B3GALNT2: variants seen among roughly 807,000 people sequenced by gnomAD.
B3GALNT2 encodes UDP-GalNAc:beta-1,3-N-acetylgalactosaminyltransferase 2.
B3GALNT2 carries 53 observed loss-of-function variants against 61.1 expected under a neutral mutation model. The observed-to-expected ratio is 0.87, with a 90% CI of 0.70 to 1.09. B3GALNT2 has a LOEUF of 1.09. Among genes scored for constraint, B3GALNT2 ranks in the 50% least tolerant of loss-of-function variants. The pLI is 0.00. For synonymous variants in B3GALNT2, 223 were observed against 237.4 expected, an observed-to-expected ratio of 0.94 and a Z score of 0.56; for missense variants, 544 against 623.0, an observed-to-expected ratio of 0.87 and a Z score of 1.35.
rs566904307 is a variant in B3GALNT2 at position 235,490,729 on chromosome 1, TAA to T, written c.261-1463_261-1462del. On this transcript the variant is annotated intron_variant, in intron 2 of 11. Coordinates refer to ENST00000366600, the MANE Select transcript of B3GALNT2 (RefSeq NM_152490.5). ...TTTAAAATTAAATTATATAATCTTA[TAA>T]TATATATTAAAATCAAAGGAAATAC... is the stretch of plus-strand genomic sequence containing the variant. Among the ~76,000 whole-genome samples, 117 of 151,978 alleles carry T rather than the reference TAA, an allele frequency of 7.7e-4. 2 individuals carry two copies. In the South Asian group the frequency reaches 0.023, roughly 30 times the overall value.
intron 5 of B3GALNT2, among the ~76,000 whole-genome samples, chr1:235,474,973 ATATATATATATATATTTTTT>A (rs1684186854): frequency 1.3e-4 from 4 of 29,784 alleles, no homozygotes; most frequent in African/African-American, 4.7e-4. Context: ...ATATATATAT[ATATATATATATATATTTTTT>A]TTTTTTTTTT....
rs368190158 is a variant in B3GALNT2 at position 235,484,179 on chromosome 1, T to C, written c.555+143A>G. On this transcript the variant is annotated intron_variant, in intron 4 of 11. Transcript: ENST00000366600. Reference sequence around the variant, plus strand: ...GTCTTATATCACACTACAGTGTATTTAGTCAATAGGGGAAGAAAGGTGAAA... The same window carrying C: ...GTCTTATATCACACTACAGTGTATTCAGTCAATAGGGGAAGAAAGGTGAAA... 641 of 1,281,014 alleles carry C rather than the reference T, an allele frequency of 5.0e-4. 11 individuals carry two copies. In the South Asian group the frequency reaches 0.012, roughly 25 times the overall value. The allele number at this position is 1,281,014 out of a possible 1,614,324, so 79.4% of individuals were successfully genotyped here. A position where few individuals can be genotyped will look rare whatever the true frequency, so the allele number is the denominator to read the frequency against.
At position 235,487,311 on chromosome 1, in the gene B3GALNT2, A is replaced by G. The variant is rs563422817; in HGVS notation, c.361+1857T>C. On this transcript the variant is annotated intron_variant, in intron 3 of 11. Coordinates refer to ENST00000366600, the MANE Select transcript of B3GALNT2 (RefSeq NM_152490.5). ...TATTTTGTAATACAGACCTGAATAT[A>G]TTGTCCAATTTATTTAAAAAGCTGT... Among the ~76,000 whole-genome samples the G allele has an allele frequency of 6.6e-5, 10 of 152,312 alleles. No homozygotes were observed. In the South Asian group the frequency reaches 1.9e-3, roughly 28 times the overall value.
chr1:235,443,874 C>T (rs1007939584), downstream of B3GALNT2, among the ~76,000 whole-genome samples: 11 of 152,106 alleles, frequency 7.2e-5, no homozygotes, highest in Non-Finnish European at 1.3e-4. Flanking sequence ...TAAAGTAGAT[C>T]AACATAACTT....
intron 3 of B3GALNT2, among the ~76,000 whole-genome samples, chr1:235,488,488 C>T (rs1684907479): frequency 6.6e-6 from 1 of 150,856 alleles, no homozygotes. Flanking sequence ...TCGAGGCCAG[C>T]CTGACCAACA....
downstream of B3GALNT2, among the ~76,000 whole-genome samples, chr1:235,445,691 A>T (rs1420642565): frequency 6.6e-6 from 1 of 151,964 alleles, no homozygotes; most frequent in East Asian, 1.9e-4. Flanking sequence ...CCATTAGATT[A>T]GCAAAATTAA....
intron 5 of B3GALNT2, among the ~76,000 whole-genome samples, chr1:235,472,693 C>T (rs1033370436): frequency 2.0e-5 from 3 of 151,966 alleles, no homozygotes; most frequent in African/African-American, 7.3e-5. Context: ...AAAAATCAAC[C>T]AGAATTGACT....
At chr1:235,491,142 G>A (rs1369408835) in intron 2 of B3GALNT2, among the ~76,000 whole-genome samples, 1 of 150,622 alleles carries the variant, frequency 6.6e-6, no homozygotes, top group Non-Finnish European at 1.5e-5. Flanking sequence ...ACTATTACCT[G>A]ATACAGCATA....
At chr1:235,481,552 T>C (rs1558431225) in intron 4 of B3GALNT2, among the ~76,000 whole-genome samples, 1 of 152,188 alleles carries the variant, frequency 6.6e-6, no homozygotes, top group Non-Finnish European at 1.5e-5. Context: ...CTGTATTGCC[T>C]AGGCTGGTCT....
rs150925518 is a variant in B3GALNT2, at chr1:235,447,560, T to A, written c.*2646A>T. ...AGAATGGCGGCGCTGGAAGGGACCT[T>A]GTAGATCATTTAGTTGGCACCCTAA... On this transcript the variant is annotated 3_prime_UTR_variant, in exon 12 of 12. Coordinates refer to ENST00000366600, the MANE Select transcript of B3GALNT2 (RefSeq NM_152490.5). Among the ~76,000 whole-genome samples the A allele has an allele frequency of 1.5e-4, 23 of 152,236 alleles. No individual in the cohort carries two copies. In the East Asian group the frequency reaches 4.2e-3, roughly 28 times the overall value.
chr1:235,494,588 C>A, intron 2 of B3GALNT2, 93 bp downstream of exon 2: 1 of 1,370,452 alleles, frequency 7.3e-7, no homozygotes, highest in Non-Finnish European at 1.0e-6. Flanking sequence ...TCCCCGGTAG[C>A]TGGGACGACG....
At chr1:235,477,288 T>C (rs894736898) in intron 5 of B3GALNT2, among the ~76,000 whole-genome samples, 1 of 152,206 alleles carries the variant, frequency 6.6e-6, no homozygotes, top group Non-Finnish European at 1.5e-5. Flanking sequence ...ATTTGCCTTT[T>C]TGCTCTCTCT....
downstream of B3GALNT2, among the ~76,000 whole-genome samples, chr1:235,442,256 C>T (rs1171839426): frequency 1.3e-5 from 2 of 152,124 alleles, no homozygotes; most frequent in African/African-American, 2.4e-5. Context: ...CCGCAACCTC[C>T]GCCTCCCGGG....
Position 235,449,253 on chromosome 1 carries a change from T to C in B3GALNT2, c.*953A>G, listed in dbSNP as rs1682741560. The C allele has an allele frequency of 5.8e-6, 1 of 173,086 alleles. No individual in the cohort carries two copies. Among genetic ancestry groups the C allele is most frequent in the Non-Finnish European group, 1.2e-5 (1 of 80,080 alleles). 10.7% of individuals were successfully genotyped at this position (173,086 alleles called of 1,614,324 possible). ...ATTATCTGTCTTCTCAGTTGCACTATTTCTAAGAGTACTTAAATTAATCAC... is the reference window on the plus strand; with the variant it reads ...ATTATCTGTCTTCTCAGTTGCACTACTTCTAAGAGTACTTAAATTAATCAC... On this transcript the variant is annotated 3_prime_UTR_variant, in exon 12 of 12. Coordinates refer to ENST00000366600, the MANE Select transcript of B3GALNT2 (RefSeq NM_152490.5).
chr1:235,474,858 C>T (rs1043770462), intron 5 of B3GALNT2, among the ~76,000 whole-genome samples: 1 of 148,130 alleles, frequency 6.8e-6, no homozygotes, highest in African/African-American at 2.5e-5. Context: ...AATAACGTCG[C>T]TAGTGACTTA....
At chr1:235,442,850 A>C (rs950395312), downstream of B3GALNT2, 1 of 1,613,938 alleles carries the variant, frequency 6.2e-7, no homozygotes, top group Non-Finnish European at 8.5e-7. Flanking sequence ...TTTCTCTTAA[A>C]GCACTGAAGA....
At position 235,448,944 on chromosome 1, in the gene B3GALNT2, A is replaced by ATAAT. The variant is rs1486601080; in HGVS notation, c.*1258_*1261dup. 3 of 564,104 alleles carry ATAAT rather than the reference A, an allele frequency of 5.3e-6. No homozygotes were observed. Among genetic ancestry groups the ATAAT allele is most frequent in the Non-Finnish European group, 6.4e-6 (2 of 312,556 alleles). The allele number at this position is 564,104 out of a possible 1,614,324, so 34.9% of individuals were successfully genotyped here. On this transcript the variant is annotated 3_prime_UTR_variant, in exon 12 of 12. Transcript: ENST00000366600. ...ATTTCTAGGCTTATACATAATAGCA[A>ATAAT]TAATAAAGGCTTTGAACCTACTAAT...
At chr1:235,469,190 A>G (rs1458475864) in intron 6 of B3GALNT2, among the ~76,000 whole-genome samples, 2 of 152,190 alleles carry the variant, frequency 1.3e-5, no homozygotes, top group South Asian at 2.1e-4. Context: ...GTATGCAGGA[A>G]ATGTTTTTTG....
rs1682678891 is a variant in B3GALNT2, at chr1:235,448,793, T to G, written c.*1413A>C. 2 of 1,436,890 alleles carry G rather than the reference T, an allele frequency of 1.4e-6. No individual in the cohort carries two copies. Among genetic ancestry groups the G allele is most frequent in the Middle Eastern group, 1.7e-4 (1 of 5,790 alleles). 89.0% of individuals were successfully genotyped at this position (1,436,890 alleles called of 1,614,324 possible). ...AACTAATAAAATTTAAAGACCACAC[T>G]GCTTATCGTGTCTGGGGTTCACCGG... On this transcript the variant is annotated 3_prime_UTR_variant, in exon 12 of 12. Transcript: ENST00000366600.
Sources: gnomAD v4.1 joint callset for allele counts (sites outside exome capture counted in the v4.1 genomes callset) on GRCh38, gnomAD v4.1.1 for gene constraint, MANE v1.5 for transcripts, NCBI Gene and HGNC (gene_info 2026-07-23, HGNC 2026-07-21) for gene names.